PDE4D: variants seen among roughly 807,000 people sequenced by gnomAD.
PDE4D encodes phosphodiesterase 4D.
Under a neutral mutation model 87.4 loss-of-function variants are expected in PDE4D, and 24 were observed. That is an observed-to-expected ratio of 0.27 (90% CI 0.20 to 0.39). The LOEUF (loss-of-function observed/expected upper bound fraction) is 0.39, where lower values mean the gene tolerates loss of function less well. Among genes scored for constraint, PDE4D ranks in the 10% least tolerant of loss-of-function variants. PDE4D has a pLI of 1.00. For missense variants in PDE4D, 714 were observed against 1,041.0 expected (o/e 0.69, Z 4.32); for synonymous variants, 384 against 383.2 (o/e 1.00, Z -0.02).
intron 1 of PDE4D, among the ~76,000 whole-genome samples, chr5:60,246,678 T>C (rs1747817497): frequency 6.6e-6 from 1 of 151,966 alleles, no homozygotes; most frequent in African/African-American, 2.4e-5. Context: ...GTCTCTATCA[T>C]TTTCAATATT....
intron 1 of PDE4D, among the ~76,000 whole-genome samples, chr5:60,407,539 C>G (rs1360862173): frequency 2.3e-5 from 3 of 132,120 alleles, no homozygotes; most frequent in African/African-American, 8.9e-5. Flanking sequence ...CTGCAACCTT[C>G]GCCTCCCAGG....
chr5:59,732,917 G>A (rs1757577296), intron 1 of PDE4D, among the ~76,000 whole-genome samples: 1 of 152,062 alleles, frequency 6.6e-6, no homozygotes, highest in African/African-American at 2.4e-5. Flanking sequence ...CTTTCACATG[G>A]ATTTGAGTTA....
chr5:59,653,932 G>A (rs1001827990), intron 1 of PDE4D, among the ~76,000 whole-genome samples: 9 of 151,836 alleles, frequency 5.9e-5, no homozygotes, highest in Admixed American at 4.6e-4. Flanking sequence ...GAGGCCAGGT[G>A]TGGTGGCTCA....
intron 1 of PDE4D, among the ~76,000 whole-genome samples, chr5:59,659,145 A>G (rs1047641914): frequency 5.3e-5 from 8 of 152,254 alleles, no homozygotes; most frequent in African/African-American, 1.7e-4. Flanking sequence ...ATCAGTAAAT[A>G]AAAGCAACTT....
intron 2 of PDE4D, among the ~76,000 whole-genome samples, chr5:59,990,542 C>CAAA (rs34419687): frequency 1.3e-5 from 2 of 151,656 alleles, no homozygotes; most frequent in Admixed American, 6.6e-5. Flanking sequence ...AAAAAACAAA[C>CAAA]AAAAAAAAAG....
At chr5:59,415,969 C>T (rs573010117) in intron 1 of PDE4D, among the ~76,000 whole-genome samples, 5 of 152,248 alleles carry the variant, frequency 3.3e-5, no homozygotes, top group African/African-American at 7.2e-5. Context: ...AGATGAGTGA[C>T]GTAGTTAATG....
intron 1 of PDE4D, among the ~76,000 whole-genome samples, chr5:59,774,188 T>A (rs1763850708): frequency 6.6e-6 from 1 of 152,186 alleles, no homozygotes; most frequent in African/African-American, 2.4e-5. Context: ...GAGATTTAAA[T>A]AAGTTTAACC....
At chr5:59,842,704 A>T (rs929796919) in intron 1 of PDE4D, among the ~76,000 whole-genome samples, 4 of 152,082 alleles carry the variant, frequency 2.6e-5, no homozygotes, top group Non-Finnish European at 5.9e-5. Flanking sequence ...TAATAATGTC[A>T]CCAAATGTCA....
chr5:59,507,401 A>T lies in PDE4D; in HGVS notation c.456-291433T>A, dbSNP rs116643245. Among the ~76,000 whole-genome samples the T allele has an allele frequency of 2.7e-3, 410 of 152,298 alleles. 2 individuals carry two copies. The highest frequency in any genetic ancestry group is 9.2e-3 in the African/African-American group (383 of 41,570). On this transcript the variant is annotated intron_variant, in intron 1 of 14. Coordinates refer to ENST00000340635, the MANE Select transcript of PDE4D (RefSeq NM_001104631.2). Reference sequence around the variant, plus strand: ...TAATTTATAACATATTTGTATGAAGATGAAAATGAACTACAACTACATATA... The same window carrying T: ...TAATTTATAACATATTTGTATGAAGTTGAAAATGAACTACAACTACATATA...
At chr5:59,633,551 C>T (rs1831845656) in intron 1 of PDE4D, among the ~76,000 whole-genome samples, 1 of 152,124 alleles carries the variant, frequency 6.6e-6, no homozygotes, top group African/African-American at 2.4e-5. Context: ...CTGCAGAAAC[C>T]CTACAAGCCA....
Position 60,197,789 on chromosome 5 carries a change from C to A in PDE4D, c.-89-12102G>T, listed in dbSNP as rs1296114499. On this transcript the variant is annotated intron_variant, in intron 1 of 16. Transcript: ENST00000502484. Reference sequence around the variant, plus strand: ...AAAGAAACATAAACAAGGAAAATAACAGAGCCAAGAAACCAAAGACTATGA... The same window carrying A: ...AAAGAAACATAAACAAGGAAAATAAAAGAGCCAAGAAACCAAAGACTATGA... Among the ~76,000 whole-genome samples, 2 of 151,570 alleles carry A rather than the reference C, an allele frequency of 1.3e-5. 1 individual carries two copies.
At chr5:60,337,091 C>A (rs1329171196) in intron 1 of PDE4D, among the ~76,000 whole-genome samples, 1 of 148,734 alleles carries the variant, frequency 6.7e-6, no homozygotes, top group Non-Finnish European at 1.5e-5. Context: ...ATGCCAAGGC[C>A]GGTGGATCAC....
At chr5:59,439,357 CAA>C (rs3061710) in intron 1 of PDE4D, among the ~76,000 whole-genome samples, 21 of 72,546 alleles carry the variant, frequency 2.9e-4, no homozygotes, top group Admixed American at 4.9e-4. Context: ...AAGACTCTGT[CAA>C]AAAAAAAAAA....
intron 1 of PDE4D, among the ~76,000 whole-genome samples, chr5:59,570,884 A>T (rs1288274822): frequency 1.3e-5 from 2 of 152,234 alleles, no homozygotes; most frequent in Non-Finnish European, 2.9e-5. Context: ...AAAATAATGG[A>T]TTAGTCAGGA....
Position 60,049,325 on chromosome 5 carries a change from C to G in PDE4D, c.43-60608G>C, listed in dbSNP as rs547314184. 1.5e-4 allele frequency among the ~76,000 whole-genome samples: 23 copies of G among 152,284 alleles called. No individual in the cohort carries two copies. The East Asian group carries it at 2.5e-3, about 17-fold the overall frequency. ...CTTTGGTTTGAATGTCCTCCAGTAC[C>G]TCAGCGTAATTTGATTGTCTGAAGC... On this transcript the variant is annotated intron_variant, in intron 2 of 16. Transcript: ENST00000502484.
chr5:60,239,806 C>T (rs1746871450), intron 1 of PDE4D, among the ~76,000 whole-genome samples: 1 of 151,964 alleles, frequency 6.6e-6, no homozygotes, highest in Admixed American at 6.6e-5. Context: ...AGGTGGTTTA[C>T]TTTATATCTA....
chr5:60,449,067 CCGCG>C lies in PDE4D; in HGVS notation c.-90+38871_-90+38874del, dbSNP rs1294426664. 2.5e-4 allele frequency among the ~76,000 whole-genome samples: 32 copies of C among 129,754 alleles called. No homozygotes were observed. The East Asian group carries it at 2.5e-3, about 10-fold the overall frequency. The allele number at this position is 129,754 out of a possible 152,430, so 85.1% of individuals were successfully genotyped here. Reference sequence around the variant, plus strand: ...CCCCTTCACCCACCCCCCCAACTGCCCGCGCACACACACACACACACACACACAC... The same window carrying C: ...CCCCTTCACCCACCCCCCCAACTGCCCACACACACACACACACACACACAC... On this transcript the variant is annotated intron_variant, in intron 1 of 16. Transcript: ENST00000502484.
rs1490291783 is a variant in PDE4D, at chr5:60,282,235, A to ATATATATG, written c.-89-96549_-89-96548insCATATATA. ...TATATATATATATATATATATATAT[A>ATATATATG]TATTTCTCAAAATGAGCTCTATTTG... On this transcript the variant is annotated intron_variant, in intron 1 of 16. Coordinates refer to the PDE4D transcript ENST00000502484. 2.8e-3 allele frequency among the ~76,000 whole-genome samples: 373 copies of ATATATATG among 132,076 alleles called. 5 individuals carry two copies. Among genetic ancestry groups the ATATATATG allele is most frequent in the South Asian group, 0.021 (88 of 4,206 alleles). 86.6% of individuals were successfully genotyped at this position (132,076 alleles called of 152,430 possible). A position where few individuals can be genotyped will look rare whatever the true frequency, so the allele number is the denominator to read the frequency against.
intron 2 of PDE4D, among the ~76,000 whole-genome samples, chr5:59,999,858 G>A (rs1763866994): frequency 6.6e-6 from 1 of 152,026 alleles, no homozygotes; most frequent in Non-Finnish European, 1.5e-5. Flanking sequence ...GGAAAATGAT[G>A]CAGGAACAAA....
Sources: gnomAD v4.1 joint callset for allele counts (sites outside exome capture counted in the v4.1 genomes callset) on GRCh38, gnomAD v4.1.1 for gene constraint, MANE v1.5 for transcripts, NCBI Gene and HGNC (gene_info 2026-07-23, HGNC 2026-07-21) for gene names.